CNBD1: variants seen among roughly 807,000 people sequenced by gnomAD.
CNBD1 encodes cyclic nucleotide binding domain containing 1.
CNBD1 carries 71 observed loss-of-function variants against 54.4 expected under a neutral mutation model. That is an observed-to-expected ratio of 1.30 (90% CI 1.08 to 1.59). The LOEUF (loss-of-function observed/expected upper bound fraction) is 1.59, where lower values mean the gene tolerates loss of function less well. Ranked by LOEUF, CNBD1 falls within the 40% of genes most tolerant of loss-of-function variation. The pLI, the probability that CNBD1 is intolerant of heterozygous loss-of-function variation, is 0.00. For synonymous variants in CNBD1, 182 were observed against 170.7 expected (o/e 1.07, Z -0.51); for missense variants, 659 against 518.0 (o/e 1.27, Z -2.64).
intron 10 of CNBD1, among the ~76,000 whole-genome samples, chr8:87,360,811 A>G (rs2130936336): frequency 6.6e-6 from 1 of 152,058 alleles, no homozygotes; most frequent in South Asian, 2.1e-4. Context: ...GGTATAAACT[A>G]TCTGAAAGTT....
intron 3 of CNBD1, among the ~76,000 whole-genome samples, chr8:86,907,983 T>C (rs1809043845): frequency 6.6e-6 from 1 of 152,228 alleles, no homozygotes. Flanking sequence ...TATTTAACAC[T>C]GTAATTCATT....
intron 4 of CNBD1, among the ~76,000 whole-genome samples, chr8:87,189,688 G>A (rs1031347236): frequency 2.0e-5 from 3 of 152,084 alleles, no homozygotes; most frequent in Admixed American, 6.5e-5. Flanking sequence ...AACCAAAAGC[G>A]TGCTGTGCCT....
intron 4 of CNBD1, among the ~76,000 whole-genome samples, chr8:86,968,912 A>G (rs954679115): frequency 2.0e-5 from 3 of 152,198 alleles, no homozygotes; most frequent in African/African-American, 7.2e-5. Flanking sequence ...TAAGCTATCA[A>G]TTTACATTGA....
intron 6 of CNBD1, among the ~76,000 whole-genome samples, chr8:87,268,998 T>C (rs1164920685): frequency 6.6e-6 from 1 of 152,034 alleles, no homozygotes; most frequent in African/African-American, 2.4e-5. Flanking sequence ...TTATTTGCCA[T>C]GGCTGATATC....
intron 4 of CNBD1, among the ~76,000 whole-genome samples, chr8:87,156,720 C>T (rs2130754812): frequency 6.6e-6 from 1 of 152,136 alleles, no homozygotes; most frequent in Non-Finnish European, 1.5e-5. Flanking sequence ...GTTAAGCCTG[C>T]TATGGGATTA....
At position 87,377,549 on chromosome 8, in the gene CNBD1, T is replaced by C. The variant is rs189661790; in HGVS notation, c.1304-5071T>C. ...TGCCACATTTTCTTAATCCAGTCTA[T>C]CATTGTTGGACATTTGTGTTGGTTC... is the stretch of plus-strand genomic sequence containing the variant. On this transcript the variant is annotated intron_variant, in intron 10 of 10. Coordinates refer to ENST00000518476, the MANE Select transcript of CNBD1 (RefSeq NM_173538.3). Among the ~76,000 whole-genome samples, 400 of 152,080 alleles carry C rather than the reference T, an allele frequency of 2.6e-3. 4 individuals are homozygous for C. Among genetic ancestry groups the C allele is most frequent in the African/African-American group, 9.1e-3 (375 of 41,412 alleles).
At chr8:87,390,743 A>G (rs1245010964) in intron 2 of CNBD1, among the ~76,000 whole-genome samples, 1 of 152,210 alleles carries the variant, frequency 6.6e-6, no homozygotes, top group Non-Finnish European at 1.5e-5. Context: ...ATTACTGGGT[A>G]TATACCCGAA....
chr8:87,232,294 A>G (rs563293229), intron 5 of CNBD1, among the ~76,000 whole-genome samples: 3 of 151,946 alleles, frequency 2.0e-5, no homozygotes, highest in Admixed American at 2.0e-4. Flanking sequence ...AATACCTAAG[A>G]ATGAATTACT....
chr8:87,413,696 C>T (rs1434477861), intron 2 of CNBD1, among the ~76,000 whole-genome samples: 1 of 151,808 alleles, frequency 6.6e-6, no homozygotes, highest in African/African-American at 2.4e-5. Flanking sequence ...GCAACCCCAT[C>T]AAAAAGTGGG....
intron 4 of CNBD1, among the ~76,000 whole-genome samples, chr8:87,054,004 G>A (rs371515394): frequency 3.9e-5 from 6 of 152,198 alleles, no homozygotes; most frequent in East Asian, 1.9e-4. Context: ...TGGAGACAGC[G>A]TGGAGGCTAA....
intron 4 of CNBD1, among the ~76,000 whole-genome samples, chr8:87,037,975 C>T (rs1444494526): frequency 6.6e-6 from 1 of 152,136 alleles, no homozygotes; most frequent in African/African-American, 2.4e-5. Context: ...TTCAGTCTCC[C>T]ATCTGGTGGT....
chr8:86,912,953 A>G (rs1284510664), intron 3 of CNBD1, among the ~76,000 whole-genome samples: 1 of 152,186 alleles, frequency 6.6e-6, no homozygotes, highest in Admixed American at 6.5e-5. Flanking sequence ...AAGTAAAAAT[A>G]AAAATAAAAA....
intron 4 of CNBD1, among the ~76,000 whole-genome samples, chr8:86,999,045 A>G (rs528587679): frequency 5.8e-4 from 88 of 152,352 alleles, no homozygotes; most frequent in Non-Finnish European, 9.3e-4. Flanking sequence ...GCTATCTGCT[A>G]TCAATATTTA....
chr8:86,868,949 G>GAGTC (rs34080874), intron 1 of CNBD1, among the ~76,000 whole-genome samples: 106,099 of 151,320 alleles, frequency 0.7, 37,701 homozygotes, highest in African/African-American at 0.8. Context: ...GAAGGCGAGA[G>GAGTC]AGTCAGAATG....
At chr8:87,397,836 C>T (rs1811436764) in intron 2 of CNBD1, among the ~76,000 whole-genome samples, 1 of 151,886 alleles carries the variant, frequency 6.6e-6, no homozygotes, top group Admixed American at 6.6e-5. Context: ...CAGGTCTTTC[C>T]CATGTTGTTC....
At chr8:87,058,357 T>C (rs980065505) in intron 4 of CNBD1, among the ~76,000 whole-genome samples, 3 of 152,280 alleles carry the variant, frequency 2.0e-5, no homozygotes, top group East Asian at 1.9e-4. Context: ...CCTTCTGCGA[T>C]CTGGAGGACA....
chr8:87,371,305 A>T (rs1403505625), intron 10 of CNBD1, among the ~76,000 whole-genome samples: 1 of 151,954 alleles, frequency 6.6e-6, no homozygotes, highest in Admixed American at 6.6e-5. Flanking sequence ...TTGAATCTAT[A>T]AATTACCTTG....
At chr8:87,066,716 T>C (rs1300459190) in intron 4 of CNBD1, among the ~76,000 whole-genome samples, 1 of 151,920 alleles carries the variant, frequency 6.6e-6, no homozygotes, top group Admixed American at 6.6e-5. Flanking sequence ...TATTTAGAAT[T>C]TTATAAATTC....
intron 4 of CNBD1, among the ~76,000 whole-genome samples, chr8:87,041,496 C>T (rs1457448727): frequency 6.6e-6 from 1 of 152,084 alleles, no homozygotes; most frequent in Non-Finnish European, 1.5e-5. Context: ...GATTATTTGA[C>T]AATCCATAGA....
Sources: gnomAD v4.1 joint callset for allele counts (sites outside exome capture counted in the v4.1 genomes callset) on GRCh38, gnomAD v4.1.1 for gene constraint, MANE v1.5 for transcripts, NCBI Gene and HGNC (gene_info 2026-07-23, HGNC 2026-07-21) for gene names.